Variants in DNAJA3 observed in about 807,000 individuals in gnomAD.
The protein encoded by DNAJA3 is DnaJ heat shock protein family (Hsp40) member A3.
Under a neutral mutation model 54.9 loss-of-function variants are expected in DNAJA3, and 29 were observed. That is an observed-to-expected ratio of 0.53 (90% CI 0.39 to 0.72). The LOEUF (loss-of-function observed/expected upper bound fraction) is 0.72. Ranked by LOEUF, DNAJA3 falls within the 30% of genes least tolerant of loss-of-function variation. DNAJA3 has a pLI of 0.00. For synonymous variants in DNAJA3, 302 were observed against 251.4 expected (o/e 1.20, Z -1.90); for missense variants, 708 against 639.4 (o/e 1.11, Z -1.16).
At chr16:4,452,129 A>AT (rs945717127) in intron 10 of DNAJA3, among the ~76,000 whole-genome samples, 1 of 151,998 alleles carries the variant, frequency 6.6e-6, no homozygotes, top group Non-Finnish European at 1.5e-5. Context: ...CAGGTTCCAA[A>AT]TGTCACTTAT....
chr16:4,444,803 T>C (rs1250954887), intron 7 of DNAJA3, 75 bp downstream of exon 7: 3 of 1,331,828 alleles, frequency 2.3e-6, no homozygotes, highest in Admixed American at 3.8e-5. Context: ...GCTGCTCCCA[T>C]GTAATCAAAG....
In DNAJA3 at chr16:4,455,614, G is replaced by A. The variant is rs1489668238; in HGVS notation, c.*82G>A. 5.2e-6 allele frequency: 8 copies of A among 1,550,424 alleles called. No homozygotes were observed. Among genetic ancestry groups the A allele is most frequent in the Non-Finnish European group, 7.0e-6 (8 of 1,145,828 alleles). ...CCAAGGGCCAGGGCACCTGGGAGAC[G>A]GGAGGATTCCAGAACAGCAGCACTG... is the stretch of plus-strand genomic sequence containing the variant. On this transcript the variant is annotated 3_prime_UTR_variant, in exon 12 of 12. Transcript: ENST00000262375.
chr16:4,432,669 C>T (rs1222210017), intron 1 of DNAJA3, among the ~76,000 whole-genome samples: 1 of 151,942 alleles, frequency 6.6e-6, no homozygotes, highest in African/African-American at 2.4e-5. Flanking sequence ...AAACAGATTT[C>T]ATCTATTAAA....
intron 10 of DNAJA3, among the ~76,000 whole-genome samples, chr16:4,451,284 A>T (rs1342391476): frequency 6.6e-6 from 1 of 152,076 alleles, no homozygotes; most frequent in East Asian, 1.9e-4. Flanking sequence ...AGTTCTCAGA[A>T]CTTGAGCAGC....
At chr16:4,435,501 C>T (rs907078198) in intron 2 of DNAJA3, among the ~76,000 whole-genome samples, 3 of 152,284 alleles carry the variant, frequency 2.0e-5, no homozygotes, top group East Asian at 1.9e-4. Flanking sequence ...CCTCTCTCCC[C>T]GGTCCCTAGC....
intron 3 of DNAJA3, among the ~76,000 whole-genome samples, chr16:4,438,445 C>G (rs1323877253): frequency 2.0e-5 from 3 of 152,156 alleles, no homozygotes; most frequent in Non-Finnish European, 4.4e-5. Context: ...ATGACATCCC[C>G]TTCCTCCACC....
At chr16:4,432,864 G>A (rs960640406) in intron 1 of DNAJA3, among the ~76,000 whole-genome samples, 5 of 151,708 alleles carry the variant, frequency 3.3e-5, no homozygotes, top group East Asian at 3.9e-4. Flanking sequence ...AAAGCCTGCC[G>A]GGCACGGTGG....
rs2056906435 is a variant in DNAJA3, at chr16:4,446,786, G to A, written c.997-100G>A. 3 of 1,447,352 alleles carry A rather than the reference G, an allele frequency of 2.1e-6. No individual in the cohort carries two copies. In the Admixed American group the frequency reaches 5.7e-5, roughly 27 times the overall value. 89.7% of individuals were successfully genotyped at this position (1,447,352 alleles called of 1,614,324 possible). A position where few individuals can be genotyped will look rare whatever the true frequency, so the allele number is the denominator to read the frequency against. ...TGCACTTTATGTATGGAAGGGGTGT[G>A]TAGTTTGTCAGGTCTGAGCTTGGGC... is the stretch of plus-strand genomic sequence containing the variant. On this transcript the variant is annotated intron_variant, in intron 7 of 11. Coordinates refer to ENST00000262375, the MANE Select transcript of DNAJA3 (RefSeq NM_005147.6).
Position 4,439,549 on chromosome 16 carries a change from G to A in DNAJA3, c.430-1826G>A, listed in dbSNP as rs528235395. On this transcript the variant is annotated intron_variant, in intron 3 of 11. Transcript: ENST00000262375. ...ATTCAATTTTTAATGGGGCGGGGGG[G>A]TGTTATTCTTGTGAATGTGTTTTTC... Among the ~76,000 whole-genome samples the A allele has an allele frequency of 5.2e-4, 79 of 152,196 alleles. 2 individuals carry two copies. Among genetic ancestry groups the A allele is most frequent in the Middle Eastern group, 3.4e-3 (1 of 294 alleles).
chr16:4,441,161 T>C (rs1169198201), intron 3 of DNAJA3: 9 of 560,144 alleles, frequency 1.6e-5, no homozygotes, highest in Non-Finnish European at 2.8e-5. Context: ...GTGAGACTTT[T>C]GGAAGCACTT....
In DNAJA3 at chr16:4,453,352, G is replaced by A. The variant is rs544481918; in HGVS notation, c.1340-1459G>A. On this transcript the variant is annotated intron_variant, in intron 10 of 11. Transcript: ENST00000262375. The stretch of plus-strand genomic sequence containing the variant: ...CAGGGATAAACAGGTCCATCTTCTG[G>A]CGAACAGAGAGGGAACTGGGGGGGC... Among the ~76,000 whole-genome samples the A allele has an allele frequency of 2.6e-5, 4 of 152,242 alleles. 1 individual carries two copies. In the South Asian group the frequency reaches 8.3e-4, roughly 32 times the overall value.
chr16:4,427,774 T>C (rs1184895512), intron 1 of DNAJA3, among the ~76,000 whole-genome samples: 1 of 152,184 alleles, frequency 6.6e-6, no homozygotes, highest in Non-Finnish European at 1.5e-5. Flanking sequence ...GTTCAATCGA[T>C]CCTCCATCCT....
chr16:4,443,864 T>C (rs1165098553), intron 6 of DNAJA3, among the ~76,000 whole-genome samples: 4 of 152,008 alleles, frequency 2.6e-5, no homozygotes, highest in Non-Finnish European at 4.4e-5. Flanking sequence ...TTTTTTGTAT[T>C]TTTAGTAGAG....
At chr16:4,435,992 C>T (rs1257565565) in intron 2 of DNAJA3, among the ~76,000 whole-genome samples, 1 of 152,212 alleles carries the variant, frequency 6.6e-6, no homozygotes, top group African/African-American at 2.4e-5. Flanking sequence ...TAACTATTAT[C>T]GTCTGTCTTT....
chr16:4,428,190 A>T (rs2056648735), intron 1 of DNAJA3, among the ~76,000 whole-genome samples: 1 of 151,938 alleles, frequency 6.6e-6, no homozygotes, highest in Non-Finnish European at 1.5e-5. Flanking sequence ...TGAACTTGTG[A>T]TCCACCCGCC....
intron 1 of DNAJA3, among the ~76,000 whole-genome samples, chr16:4,429,469 C>T (rs1442340800): frequency 6.6e-6 from 1 of 152,004 alleles, no homozygotes; most frequent in Non-Finnish European, 1.5e-5. Context: ...GATCTGTCCA[C>T]CTCAGCCTCC....
At chr16:4,436,885 C>T (rs1351684495) in intron 2 of DNAJA3, among the ~76,000 whole-genome samples, 1 of 151,940 alleles carries the variant, frequency 6.6e-6, no homozygotes, top group Non-Finnish European at 1.5e-5. Flanking sequence ...CTATTCTAAG[C>T]CATGCTGGGT....
chr16:4,444,167 G>C (rs2056873455), intron 6 of DNAJA3, among the ~76,000 whole-genome samples: 1 of 152,070 alleles, frequency 6.6e-6, no homozygotes, highest in South Asian at 2.1e-4. Context: ...TCAGTCATCA[G>C]GTGTCTGTGT....
chr16:4,450,095 A>G (rs1304055940), intron 9 of DNAJA3: 3 of 287,214 alleles, frequency 1.0e-5, no homozygotes, highest in African/African-American at 2.2e-5. Flanking sequence ...GCCTAATTAG[A>G]TAATTTCTTA....
Sources: gnomAD v4.1 joint callset for allele counts (sites outside exome capture counted in the v4.1 genomes callset) on GRCh38, gnomAD v4.1.1 for gene constraint, MANE v1.5 for transcripts, NCBI Gene and HGNC (gene_info 2026-07-23, HGNC 2026-07-21) for gene names.